Variants in GPCPD1 observed in about 807,000 individuals in gnomAD.
GPCPD1 encodes the protein glycerophosphocholine phosphodiesterase 1, also known as glycerophosphocholine phosphodiesterase GPCPD1.
A neutral mutation model predicts 89.2 loss-of-function variants in GPCPD1; 29 were observed. That is an observed-to-expected ratio of 0.33 (90% CI 0.24 to 0.44). The LOEUF is 0.44. Among genes scored for constraint, GPCPD1 ranks in the 20% least tolerant of loss-of-function variants. The pLI, the probability that GPCPD1 is intolerant of heterozygous loss-of-function variation, is 1.00. For missense variants in GPCPD1, 594 were observed against 808.9 expected, an observed-to-expected ratio of 0.73 and a Z score of 3.22; for synonymous variants, 258 against 266.3, an observed-to-expected ratio of 0.97 and a Z score of 0.30.
chr20:5,578,267 C>T (rs1978304473), intron 8 of GPCPD1, 113 bp downstream of exon 8: 1 of 684,894 alleles, frequency 1.5e-6, no homozygotes. Flanking sequence ...GAAGAGCATA[C>T]CTCTAAAAAG....
chr20:5,569,586 T>A (rs1201103221), intron 12 of GPCPD1, among the ~76,000 whole-genome samples: 1 of 152,078 alleles, frequency 6.6e-6, no homozygotes, highest in Non-Finnish European at 1.5e-5. Context: ...ACATTGCTGC[T>A]CGCCCTGCCT....
At chr20:5,581,722 T>C (rs546583712) in intron 6 of GPCPD1, among the ~76,000 whole-genome samples, 1 of 147,724 alleles carries the variant, frequency 6.8e-6, no homozygotes, top group Admixed American at 6.8e-5. Flanking sequence ...AGCTTTTTCA[T>C]CAACAGAGTC....
chr20:5,607,006 G>A (rs908697436), intron 1 of GPCPD1, among the ~76,000 whole-genome samples: 1 of 152,150 alleles, frequency 6.6e-6, no homozygotes, highest in Non-Finnish European at 1.5e-5. Flanking sequence ...CTTCCCTTTG[G>A]CCAGGCACAG....
In GPCPD1 at chr20:5,604,421, ATTTAT is replaced by A. The variant is rs777251551; in HGVS notation, c.-14_-10del. On this transcript the variant is annotated 5_prime_UTR_variant, in exon 2 of 20. Coordinates refer to ENST00000379019, the MANE Select transcript of GPCPD1 (RefSeq NM_019593.5). Reference sequence around the variant, plus strand: ...ACCTGAGAAGGTGTCATTCTGATGGATTTATTTTATGATGTCGTGCTAGGAAAAAA... The same window carrying A: ...ACCTGAGAAGGTGTCATTCTGATGGATTTATGATGTCGTGCTAGGAAAAAA... The A allele has an allele frequency of 6.5e-7, 1 of 1,545,852 alleles. No individual in the cohort carries two copies. The highest frequency in any genetic ancestry group is 1.1e-5 in the South Asian group (1 of 87,866).
At chr20:5,610,110 C>CT (rs1440071995) in intron 1 of GPCPD1, among the ~76,000 whole-genome samples, 2 of 152,216 alleles carry the variant, frequency 1.3e-5, no homozygotes, top group African/African-American at 4.8e-5. Context: ...TGCCCGATTT[C>CT]TTTTCCAGCC....
chr20:5,593,100 TAAG>T (rs1331740518), intron 4 of GPCPD1, among the ~76,000 whole-genome samples: 1 of 152,216 alleles, frequency 6.6e-6, no homozygotes, highest in African/African-American at 2.4e-5. Flanking sequence ...ACCAATTTCA[TAAG>T]AATACTGCAG....
chr20:5,600,913 C>G (rs1980087443), intron 2 of GPCPD1, among the ~76,000 whole-genome samples: 1 of 152,062 alleles, frequency 6.6e-6, no homozygotes, highest in Non-Finnish European at 1.5e-5. Context: ...TCGCTTGAAC[C>G]TGGCAGGTGG....
At chr20:5,594,505 G>A (rs960889642) in intron 3 of GPCPD1, among the ~76,000 whole-genome samples, 1 of 151,958 alleles carries the variant, frequency 6.6e-6, no homozygotes, top group Non-Finnish European at 1.5e-5. Context: ...CATTAGCCAG[G>A]ATGGTTTCGA....
chr20:5,565,601 T>C (rs950859724), intron 14 of GPCPD1, among the ~76,000 whole-genome samples: 1 of 152,156 alleles, frequency 6.6e-6, no homozygotes, highest in Non-Finnish European at 1.5e-5. Context: ...ATAAGCATCA[T>C]GAAAACCAGT....
intron 3 of GPCPD1, among the ~76,000 whole-genome samples, chr20:5,593,657 TAGAC>T (rs1446130143): frequency 6.6e-6 from 1 of 152,108 alleles, no homozygotes; most frequent in Non-Finnish European, 1.5e-5. Flanking sequence ...CCAAAGAAGA[TAGAC>T]AGAACGAAGT....
chr20:5,598,865 G>A (rs1979926267), intron 2 of GPCPD1, 44 bp from the exon 3 acceptor site: 1 of 1,200,096 alleles, frequency 8.3e-7, no homozygotes, highest in East Asian at 2.3e-5. Context: ...AGAACAATCA[G>A]TCACAGTGGG....
chr20:5,582,000 C>T (rs1227489794), intron 6 of GPCPD1, among the ~76,000 whole-genome samples: 6 of 146,826 alleles, frequency 4.1e-5, no homozygotes, highest in African/African-American at 1.0e-4. Flanking sequence ...CTGGCTAACA[C>T]GGTGAAACCC....
At chr20:5,589,267 T>C (rs756054780) in intron 4 of GPCPD1, among the ~76,000 whole-genome samples, 1 of 152,208 alleles carries the variant, frequency 6.6e-6, no homozygotes, top group Non-Finnish European at 1.5e-5. Flanking sequence ...TTAAGCCTAC[T>C]TTATTAAACT....
At chr20:5,552,012 A>C (rs1985441753) in intron 19 of GPCPD1, among the ~76,000 whole-genome samples, 1 of 152,224 alleles carries the variant, frequency 6.6e-6, no homozygotes, top group African/African-American at 2.4e-5. Flanking sequence ...TTAGAAATAG[A>C]GGTAACTGCC....
intron 11 of GPCPD1, among the ~76,000 whole-genome samples, chr20:5,572,290 A>T (rs1327495534): frequency 6.6e-6 from 1 of 152,192 alleles, no homozygotes; most frequent in Non-Finnish European, 1.5e-5. Flanking sequence ...CTATAGCCTA[A>T]TAATATTAAT....
At chr20:5,594,040 T>A (rs1397753918) in intron 3 of GPCPD1, among the ~76,000 whole-genome samples, 1 of 152,230 alleles carries the variant, frequency 6.6e-6, no homozygotes, top group Non-Finnish European at 1.5e-5. Flanking sequence ...TTCTCTGAAC[T>A]ATGTTATTCT....
rs1027695514 is a variant in GPCPD1, at chr20:5,590,475, G to A, written c.231+2852C>T. ...GAAGAATCACTTGAACCCAGGAGGC[G>A]GAGGTTGCAGTGAGCCGAGATCGTG... On this transcript the variant is annotated intron_variant, in intron 4 of 19. Coordinates refer to ENST00000379019, the MANE Select transcript of GPCPD1 (RefSeq NM_019593.5). Among the ~76,000 whole-genome samples, 110 of 145,106 alleles carry A rather than the reference G, an allele frequency of 7.6e-4. 1 individual carries two copies. Among genetic ancestry groups the A allele is most frequent in the East Asian group, 2.5e-3 (12 of 4,890 alleles).
intron 19 of GPCPD1, among the ~76,000 whole-genome samples, chr20:5,555,254 T>C (rs1179260845): frequency 6.6e-6 from 1 of 152,184 alleles, no homozygotes; most frequent in African/African-American, 2.4e-5. Context: ...TACTTACTAC[T>C]GTGGGGCAGG....
chr20:5,603,811 ATC>A (rs1980355440), intron 2 of GPCPD1, among the ~76,000 whole-genome samples: 1 of 148,324 alleles, frequency 6.7e-6, no homozygotes, highest in Non-Finnish European at 1.5e-5. Context: ...CAATGGCACG[ATC>A]TCAGGTCACT....
Sources: gnomAD v4.1 joint callset for allele counts (sites outside exome capture counted in the v4.1 genomes callset) on GRCh38, gnomAD v4.1.1 for gene constraint, MANE v1.5 for transcripts, NCBI Gene and HGNC (gene_info 2026-07-23, HGNC 2026-07-21) for gene names.